ZFHX3: variants seen among roughly 807,000 people sequenced by gnomAD.
ZFHX3 encodes zinc finger homeobox 3, also known as zinc finger homeobox protein 3.
A neutral mutation model predicts 279.1 loss-of-function variants in ZFHX3; 42 were observed. The observed-to-expected ratio is 0.15, with a 90% CI of 0.12 to 0.19. The LOEUF is 0.19. ZFHX3 is among the 10% of genes least tolerant of loss of function. The probability of loss-of-function intolerance (pLI) is 1.00; values close to 1 mark genes in which losing one functional copy is unlikely to be tolerated. For missense variants in ZFHX3, 4,981 were observed against 4,754.0 expected, an observed-to-expected ratio of 1.05 and a Z score of -1.40; for synonymous variants, 2,293 against 1,957.8, an observed-to-expected ratio of 1.17 and a Z score of -4.52.
intron 1 of ZFHX3, among the ~76,000 whole-genome samples, chr16:72,987,233 C>T (rs939054478): frequency 3.3e-5 from 5 of 152,136 alleles, no homozygotes; most frequent in African/African-American, 1.2e-4. Context: ...AGGCAAGCAC[C>T]CATCCCTCAC....
chr16:72,947,706 A>AGGGTG (rs1960765911), intron 3 of ZFHX3, among the ~76,000 whole-genome samples: 1 of 146,024 alleles, frequency 6.8e-6, no homozygotes, highest in Non-Finnish European at 1.5e-5. Flanking sequence ...GAACCGGGAC[A>AGGGTG]GGGTGGGGTG....
intron 1 of ZFHX3, among the ~76,000 whole-genome samples, chr16:73,725,349 G>A (rs1342809726): frequency 6.6e-6 from 1 of 152,186 alleles, no homozygotes; most frequent in Admixed American, 6.5e-5. Flanking sequence ...CAGGGAGGGA[G>A]ACATGTGTCG....
intron 2 of ZFHX3, among the ~76,000 whole-genome samples, chr16:73,517,447 A>G (rs1223065764): frequency 6.6e-6 from 1 of 152,162 alleles, no homozygotes; most frequent in African/African-American, 2.4e-5. Flanking sequence ...TGCAAATCCC[A>G]TCTACCTTTC....
chr16:73,717,068 T>C (rs1474039523), intron 1 of ZFHX3, among the ~76,000 whole-genome samples: 4 of 152,010 alleles, frequency 2.6e-5, no homozygotes, highest in African/African-American at 9.7e-5. Flanking sequence ...AAAAGGAAAT[T>C]TGCAGTATCT....
rs111651179 is a variant in ZFHX3 at position 73,677,836 on chromosome 16, A to T, written c.-1547+2344T>A. Among the ~76,000 whole-genome samples the T allele has an allele frequency of 1.6e-3, 243 of 152,058 alleles. 1 individual carries two copies. The highest frequency in any genetic ancestry group is 5.7e-3 in the African/African-American group (235 of 41,530). ...TTATACTAGTATATAATATGCAGAA[A>T]CCCTAAATAAAATACTCTTGTGACT... On this transcript the variant is annotated intron_variant, in intron 2 of 17. Transcript: ENST00000641206.
In ZFHX3 at chr16:72,788,739, G is replaced by C; in HGVS notation, c.9537C>G (p.Ser3179Arg). 1 of 1,592,124 alleles carries C rather than the reference G, an allele frequency of 6.3e-7. No homozygotes were observed. Among genetic ancestry groups the C allele is most frequent in the Non-Finnish European group, 8.5e-7 (1 of 1,169,936 alleles). ...LPNKPSSASLSSPTPAQATMA... is the reference protein window; with the variant it reads ...LPNKPSSASLRSPTPAQATMA... ...TCGTGGCTTGTGCTGGGGTTGGGGA[G>C]CTCAGCGACGCTGAGGACGGTTTAT... The change falls in exon 10 of 10, where the codon AGC becomes AGG. Residue 3179 changes from serine (S) to arginine (R), a missense_variant. Physicochemically the swap from Ser to Arg is moderately radical, Grantham distance 110. Coordinates refer to ENST00000268489, the MANE Select transcript of ZFHX3 (RefSeq NM_006885.4).
At chr16:73,287,506 G>C (rs1208798630) in intron 4 of ZFHX3, among the ~76,000 whole-genome samples, 1 of 146,548 alleles carries the variant, frequency 6.8e-6, no homozygotes, top group Non-Finnish European at 1.5e-5. Flanking sequence ...GTGGCTATGT[G>C]GGGTGATGTG....
chr16:73,866,924 G>T (rs1366936484), intron 1 of ZFHX3, among the ~76,000 whole-genome samples: 5 of 152,202 alleles, frequency 3.3e-5, no homozygotes, highest in Admixed American at 3.3e-4. Context: ...GAGAAGTGCA[G>T]TTCTTATCCG....
intron 5 of ZFHX3, among the ~76,000 whole-genome samples, chr16:73,198,774 TTCAC>T (rs1467656303): frequency 2.0e-5 from 3 of 152,166 alleles, no homozygotes; most frequent in Non-Finnish European, 4.4e-5. Flanking sequence ...AAAGGGGACT[TTCAC>T]TCAGATGCAG....
At chr16:73,677,516 T>C (rs1288580960) in intron 2 of ZFHX3, among the ~76,000 whole-genome samples, 10 of 151,926 alleles carry the variant, frequency 6.6e-5, no homozygotes, top group Admixed American at 3.9e-4. Flanking sequence ...TAGTAAACTT[T>C]AGACCTGGCT....
intron 3 of ZFHX3, among the ~76,000 whole-genome samples, chr16:73,377,449 A>G (rs2016741370): frequency 6.6e-6 from 1 of 152,194 alleles, no homozygotes; most frequent in Non-Finnish European, 1.5e-5. Context: ...ATGGAACAGA[A>G]CTAAGAGCAC....
chr16:73,431,240 AT>A (rs11309902), intron 3 of ZFHX3, among the ~76,000 whole-genome samples: 110,564 of 150,004 alleles, frequency 0.74, 40,644 homozygotes, highest in East Asian at 0.85. Context: ...GTTTTTTTGT[AT>A]TTTTTTTTTT....
In ZFHX3 at chr16:72,907,009, C is replaced by T. The variant is rs114775906; in HGVS notation, c.3217-17047G>A. Among the ~76,000 whole-genome samples, 1,348 of 152,234 alleles carry T rather than the reference C, an allele frequency of 8.9e-3. 24 individuals carry two copies. The highest frequency in any genetic ancestry group is 0.03 in the African/African-American group (1,241 of 41,522). ...AGTGGCATGTGGACACAGACCTGGC[C>T]GTGCTTTCTCCCGGGGCTACAGTAT... On this transcript the variant is annotated intron_variant, in intron 3 of 9. Coordinates refer to ENST00000268489, the MANE Select transcript of ZFHX3 (RefSeq NM_006885.4).
At chr16:73,685,417 A>G (rs1317807128) in intron 1 of ZFHX3, among the ~76,000 whole-genome samples, 1 of 152,236 alleles carries the variant, frequency 6.6e-6, no homozygotes, top group African/African-American at 2.4e-5. Context: ...TGAAGACTGA[A>G]GCAGGCCATG....
chr16:73,642,850 T>C (rs1029017111), intron 2 of ZFHX3, among the ~76,000 whole-genome samples: 15 of 152,220 alleles, frequency 9.9e-5, no homozygotes, highest in Admixed American at 9.8e-4. Context: ...GCTCCATCCA[T>C]CAACGGCAGA....
chr16:73,191,834 C>T (rs746796451), intron 5 of ZFHX3, among the ~76,000 whole-genome samples: 50 of 152,196 alleles, frequency 3.3e-4, no homozygotes, highest in Non-Finnish European at 6.3e-4. Flanking sequence ...GAAAAGCTGG[C>T]CTCTCTGGCT....
intron 5 of ZFHX3, among the ~76,000 whole-genome samples, chr16:73,164,691 C>T (rs1199743407): frequency 2.1e-5 from 3 of 141,650 alleles, no homozygotes; most frequent in African/African-American, 8.4e-5. Context: ...CAAAGTGAGA[C>T]TCTGTTGAAA....
At chr16:73,559,474 C>G (rs78050824) in intron 2 of ZFHX3, among the ~76,000 whole-genome samples, 6,027 of 152,216 alleles carry the variant, frequency 0.04, 238 homozygotes, top group East Asian at 0.14. Context: ...CAGATCTTCT[C>G]TCAGGCCTGT....
chr16:72,919,954 C>T (rs1402901775), intron 3 of ZFHX3, among the ~76,000 whole-genome samples: 1 of 151,656 alleles, frequency 6.6e-6, no homozygotes, highest in African/African-American at 2.4e-5. Context: ...GTACTATGCC[C>T]AGCTAATTTT....
Sources: allele counts gnomAD v4.1 joint callset (sites outside exome capture counted in the v4.1 genomes callset), GRCh38; gene constraint gnomAD v4.1.1; transcripts MANE v1.5; gene names NCBI Gene and HGNC (gene_info 2026-07-23, HGNC 2026-07-21).